The following STAU2 variants were observed in gnomAD, a reference collection of about 807,000 sequenced individuals.
The protein encoded by STAU2 is double-stranded RNA-binding protein Staufen homolog 2.
A neutral mutation model predicts 65.9 loss-of-function variants in STAU2; 20 were observed. That is an observed-to-expected ratio of 0.30 (90% CI 0.21 to 0.44). The LOEUF (loss-of-function observed/expected upper bound fraction) is 0.44. Ranked by LOEUF, STAU2 falls within the 20% of genes least tolerant of loss-of-function variation. The probability of loss-of-function intolerance (pLI) is 1.00; values close to 1 mark genes in which losing one functional copy is unlikely to be tolerated. For missense variants in STAU2, 558 were observed against 683.9 expected (o/e 0.82, Z 2.05); for synonymous variants, 232 against 233.9 (o/e 0.99, Z 0.07).
At chr8:73,429,228 C>A (rs1157979772) in intron 13 of STAU2, among the ~76,000 whole-genome samples, 1 of 152,110 alleles carries the variant, frequency 6.6e-6, no homozygotes. Context: ...CGATGAGCAT[C>A]ACTCCGCCAT....
At chr8:73,471,020 C>A (rs1819966150) in intron 13 of STAU2, among the ~76,000 whole-genome samples, 1 of 152,030 alleles carries the variant, frequency 6.6e-6, no homozygotes, top group African/African-American at 2.4e-5. Flanking sequence ...ACCTCCACTC[C>A]CCTCCCCAAC....
intron 12 of STAU2, among the ~76,000 whole-genome samples, chr8:73,559,025 C>G (rs971177167): frequency 3.9e-5 from 6 of 152,232 alleles, no homozygotes; most frequent in African/African-American, 1.4e-4. Context: ...AAATTATGAA[C>G]AACAGCATGA....
At chr8:73,625,853 C>A (rs148268417) in intron 6 of STAU2, among the ~76,000 whole-genome samples, 208 of 150,878 alleles carry the variant, frequency 1.4e-3, no homozygotes, top group Non-Finnish European at 2.4e-3. Context: ...AACTAGCCTA[C>A]CAAATTTTGT....
At chr8:73,606,813 A>G (rs1812059815) in intron 9 of STAU2, among the ~76,000 whole-genome samples, 1 of 152,254 alleles carries the variant, frequency 6.6e-6, no homozygotes, top group Non-Finnish European at 1.5e-5. Flanking sequence ...CAAAAATTAG[A>G]AACAGCCCAA....
At chr8:73,666,391 G>T (rs1247111461) in intron 6 of STAU2, among the ~76,000 whole-genome samples, 5 of 152,070 alleles carry the variant, frequency 3.3e-5, no homozygotes. Context: ...AACTTCTTTC[G>T]CCCTATCAAA....
chr8:73,609,516 T>C (rs905841414), intron 9 of STAU2, among the ~76,000 whole-genome samples: 2 of 151,900 alleles, frequency 1.3e-5, no homozygotes, highest in African/African-American at 2.4e-5. Context: ...TAGCTGAGCA[T>C]GGTGGTGTGC....
intron 6 of STAU2, among the ~76,000 whole-genome samples, chr8:73,618,616 C>A (rs1172337421): frequency 6.6e-6 from 1 of 152,200 alleles, no homozygotes; most frequent in African/African-American, 2.4e-5. Flanking sequence ...GAAGGTTCTG[C>A]ACAGAGAAGT....
intron 3 of STAU2, among the ~76,000 whole-genome samples, chr8:73,716,369 C>T (rs1035047882): frequency 1.2e-4 from 19 of 152,202 alleles, no homozygotes; most frequent in Admixed American, 5.2e-4. Context: ...GGATTACAGG[C>T]GTGAGCCACT....
intron 12 of STAU2, among the ~76,000 whole-genome samples, chr8:73,554,773 A>G (rs561464107): frequency 6.6e-6 from 1 of 152,352 alleles, no homozygotes; most frequent in East Asian, 1.9e-4. Flanking sequence ...TCACCAGTTT[A>G]TCAGTTACAC....
intron 1 of STAU2, among the ~76,000 whole-genome samples, chr8:73,745,461 C>A (rs1031814418): frequency 5.3e-5 from 8 of 152,338 alleles, no homozygotes; most frequent in African/African-American, 1.7e-4. Context: ...TCCAAGGTTA[C>A]TATCACCCTG....
At chr8:73,565,381 C>G (rs755033623) in intron 12 of STAU2, among the ~76,000 whole-genome samples, 2 of 152,280 alleles carry the variant, frequency 1.3e-5, no homozygotes, top group Middle Eastern at 6.8e-3. Context: ...CTTCCTGAGG[C>G]CTTCCCAGAA....
intron 13 of STAU2, among the ~76,000 whole-genome samples, chr8:73,425,046 G>C (rs1291826097): frequency 6.6e-6 from 1 of 152,180 alleles, no homozygotes; most frequent in Non-Finnish European, 1.5e-5. Flanking sequence ...GGTGGGTTTT[G>C]ATGGGAGGTA....
intron 6 of STAU2, among the ~76,000 whole-genome samples, chr8:73,646,368 T>G (rs1032956477): frequency 6.6e-6 from 1 of 152,112 alleles, no homozygotes; most frequent in Admixed American, 6.6e-5. Flanking sequence ...CTGTGAGGAG[T>G]TGGCAGAGAC....
At position 73,740,171 on chromosome 8, in the gene STAU2, C is replaced by T. The variant is rs138791824; in HGVS notation, c.-196-303G>A. Among the ~76,000 whole-genome samples, 558 of 152,338 alleles carry T rather than the reference C, an allele frequency of 3.7e-3. 1 individual carries two copies. The highest frequency in any genetic ancestry group is 4.8e-3 in the Non-Finnish European group (327 of 68,032). The stretch of plus-strand genomic sequence containing the variant: ...CAGATGTGACTGCAACCCCAACTGA[C>T]AGCTTGACTACCACCTCTTTTATGA... On this transcript the variant is annotated intron_variant, in intron 1 of 14. Coordinates refer to ENST00000524300, the MANE Select transcript of STAU2 (RefSeq NM_001164380.2).
chr8:73,724,359 T>C (rs147487057), intron 3 of STAU2, among the ~76,000 whole-genome samples: 2 of 152,234 alleles, frequency 1.3e-5, no homozygotes, highest in South Asian at 2.1e-4. Flanking sequence ...CTGTATCTAT[T>C]TGAGTTTCTT....
chr8:73,505,097 A>G (rs1821987531), intron 13 of STAU2, among the ~76,000 whole-genome samples: 1 of 152,064 alleles, frequency 6.6e-6, no homozygotes, highest in Non-Finnish European at 1.5e-5. Flanking sequence ...CCACCAAATC[A>G]TCTCTGGAAG....
intron 13 of STAU2, among the ~76,000 whole-genome samples, chr8:73,547,784 T>C (rs1291305167): frequency 6.6e-6 from 1 of 152,216 alleles, no homozygotes; most frequent in African/African-American, 2.4e-5. Flanking sequence ...CATGAACATT[T>C]GGTCTCAGAG....
intron 13 of STAU2, among the ~76,000 whole-genome samples, chr8:73,548,378 C>A (rs1403527383): frequency 6.6e-6 from 1 of 151,768 alleles, no homozygotes; most frequent in Non-Finnish European, 1.5e-5. Context: ...CTCAGGGAGA[C>A]CAGCCACCAC....
At chr8:73,721,297 A>G (rs1821665831) in intron 3 of STAU2, among the ~76,000 whole-genome samples, 1 of 148,632 alleles carries the variant, frequency 6.7e-6, no homozygotes, top group African/African-American at 2.5e-5. Context: ...CAAAAAAAAA[A>G]AAAAAAAAAA....
Sources: allele counts gnomAD v4.1 joint callset (sites outside exome capture counted in the v4.1 genomes callset), GRCh38; gene constraint gnomAD v4.1.1; transcripts MANE v1.5; gene names NCBI Gene and HGNC (gene_info 2026-07-23, HGNC 2026-07-21).